Variants in CNTN5 observed in about 807,000 individuals in gnomAD.
The protein encoded by CNTN5 is contactin-5.
In CNTN5, 77 loss-of-function variants were observed where a neutral mutation model predicts 129.1. The ratio of observed to expected loss-of-function variants is 0.60; its 90% CI spans 0.50 to 0.72. The LOEUF (loss-of-function observed/expected upper bound fraction) is 0.72. Among genes scored for constraint, CNTN5 ranks in the 30% least tolerant of loss-of-function variants. The pLI is 0.00. For missense variants in CNTN5, 1,478 were observed against 1,328.8 expected, an observed-to-expected ratio of 1.11 and a Z score of -1.75; for synonymous variants, 509 against 465.6, an observed-to-expected ratio of 1.09 and a Z score of -1.20.
At chr11:100,351,167 T>C (rs1303599171) in intron 24 of CNTN5, among the ~76,000 whole-genome samples, 1 of 151,628 alleles carries the variant, frequency 6.6e-6, no homozygotes, top group Non-Finnish European at 1.5e-5. Context: ...TTTTGGAGTA[T>C]AGCTTTTAAA....
intron 2 of CNTN5, among the ~76,000 whole-genome samples, chr11:99,443,605 T>C (rs2656166): frequency 0.95 from 144,403 of 152,242 alleles, 68,966 homozygotes; most frequent in East Asian, 1. Flanking sequence ...ATGGCTCAAA[T>C]AGAAATTTGC....
In CNTN5 at chr11:100,334,001, C is replaced by T. The variant is rs148610845; in HGVS notation, c.2731-6462C>T. Among the ~76,000 whole-genome samples the T allele has an allele frequency of 9.0e-3, 1,365 of 152,252 alleles. 19 individuals carry two copies. Among genetic ancestry groups the T allele is most frequent in the African/African-American group, 0.031 (1,299 of 41,552 alleles). ...TAATCAGCAGAGTTAACAGACAACC[C>T]ACAGAGTGGGAGAGAATCTTCACAG... On this transcript the variant is annotated intron_variant, in intron 21 of 24. Transcript: ENST00000524871.
rs368856018 is a variant in CNTN5 at position 100,225,872 on chromosome 11, CAT to C, written c.2005+1062_2005+1063del. Among the ~76,000 whole-genome samples the C allele has an allele frequency of 3.2e-4, 48 of 152,188 alleles. 1 individual carries two copies. In the East Asian group the frequency reaches 8.9e-3, roughly 28 times the overall value. Reference sequence around the variant, plus strand: ...AATATTAAAAATCTTGAACAGTAAACATAAGGCATAGAGTGAGCCTCATCATC... The same window carrying C: ...AATATTAAAAATCTTGAACAGTAAACAAGGCATAGAGTGAGCCTCATCATC... On this transcript the variant is annotated intron_variant, in intron 16 of 24. Coordinates refer to ENST00000524871, the MANE Select transcript of CNTN5 (RefSeq NM_014361.4).
chr11:99,095,482 G>T (rs1363512291), intron 1 of CNTN5, among the ~76,000 whole-genome samples: 1 of 151,760 alleles, frequency 6.6e-6, no homozygotes, highest in Admixed American at 6.6e-5. Context: ...TTTACCTGGG[G>T]CATGTATGAA....
chr11:99,816,472 C>T (rs1468297194), intron 3 of CNTN5, among the ~76,000 whole-genome samples: 2 of 152,206 alleles, frequency 1.3e-5, no homozygotes, highest in Non-Finnish European at 2.9e-5. Context: ...GCCTTTACCT[C>T]AAGCTCTTGC....
In CNTN5 at chr11:99,035,947, C is replaced by G. The variant is rs1372766023; in HGVS notation, c.-210+14677C>G. Among the ~76,000 whole-genome samples, 4 of 152,014 alleles carry G rather than the reference C, an allele frequency of 2.6e-5. No individual in the cohort carries two copies. The South Asian group carries it at 6.3e-4, about 24-fold the overall frequency. On this transcript the variant is annotated intron_variant, in intron 1 of 24. Transcript: ENST00000524871. ...CCATGTTTAGCACTTCCTTCTGGAG[C>G]TCTTTTAGGGCAGGCCTGGTGGTGA...
chr11:100,306,011 G>T (rs962336715), intron 20 of CNTN5, among the ~76,000 whole-genome samples: 3 of 151,400 alleles, frequency 2.0e-5, no homozygotes, highest in African/African-American at 4.8e-5. Context: ...CAAATTTTGG[G>T]GGGGGCACAT....
At chr11:99,747,729 C>T (rs1474893073) in intron 3 of CNTN5, among the ~76,000 whole-genome samples, 1 of 152,266 alleles carries the variant, frequency 6.6e-6, no homozygotes, top group East Asian at 1.9e-4. Context: ...GCCTCGGCCT[C>T]CCAAAGTGCT....
chr11:99,750,080 A>G (rs1426383019), intron 3 of CNTN5, among the ~76,000 whole-genome samples: 1 of 152,200 alleles, frequency 6.6e-6, no homozygotes, highest in Non-Finnish European at 1.5e-5. Flanking sequence ...TTGATATATG[A>G]GAGAAAAATA....
chr11:99,905,059 T>C (rs1307902660), intron 6 of CNTN5, among the ~76,000 whole-genome samples: 1 of 152,216 alleles, frequency 6.6e-6, no homozygotes, highest in Non-Finnish European at 1.5e-5. Context: ...ATCAGACAGA[T>C]AGATTGCAAA....
intron 2 of CNTN5, among the ~76,000 whole-genome samples, chr11:99,326,055 C>G (rs187811705): frequency 3.5e-4 from 54 of 152,266 alleles, no homozygotes; most frequent in Non-Finnish European, 6.8e-4. Flanking sequence ...TTTACGTAAC[C>G]AACAGAAATT....
intron 3 of CNTN5, among the ~76,000 whole-genome samples, chr11:99,670,297 A>T (rs187662474): frequency 1.3e-5 from 2 of 152,274 alleles, no homozygotes; most frequent in East Asian, 3.9e-4. Flanking sequence ...TTTTTAATTT[A>T]TATTAGGCTA....
At chr11:100,343,859 G>A (rs930107377) in intron 23 of CNTN5, among the ~76,000 whole-genome samples, 3 of 151,858 alleles carry the variant, frequency 2.0e-5, no homozygotes, top group African/African-American at 4.8e-5. Flanking sequence ...CTATAATAGC[G>A]GGCCACCTCT....
At chr11:100,272,659 C>G (rs1950427903) in intron 18 of CNTN5, among the ~76,000 whole-genome samples, 2 of 152,116 alleles carry the variant, frequency 1.3e-5, no homozygotes. Flanking sequence ...TGAGAGTGGA[C>G]AGAGGGAAAA....
intron 2 of CNTN5, among the ~76,000 whole-genome samples, chr11:99,463,455 A>AAAC (rs1294831283): frequency 3.3e-5 from 5 of 150,980 alleles, no homozygotes; most frequent in Admixed American, 3.3e-4. Flanking sequence ...AAAAAAAAAA[A>AAAC]AAAACAATAG....
intron 3 of CNTN5, among the ~76,000 whole-genome samples, chr11:99,799,592 G>A (rs565523953): frequency 2.6e-5 from 4 of 151,946 alleles, no homozygotes; most frequent in South Asian, 4.2e-4. Flanking sequence ...TAGGAATGAA[G>A]TCTACTTGAT....
chr11:99,875,509 TA>T (rs778644868), intron 6 of CNTN5, among the ~76,000 whole-genome samples: 4 of 146,794 alleles, frequency 2.7e-5, no homozygotes, highest in Non-Finnish European at 6.1e-5. Context: ...CCCATAGCAC[TA>T]AGGTATTAAA....
At chr11:100,080,863 A>G (rs1944337750) in intron 13 of CNTN5, among the ~76,000 whole-genome samples, 1 of 152,202 alleles carries the variant, frequency 6.6e-6, no homozygotes, top group Non-Finnish European at 1.5e-5. Context: ...TATGTTTTCA[A>G]AAGAAATAAA....
At position 100,015,264 on chromosome 11, in the gene CNTN5, G is replaced by A. The variant is rs1226550376; in HGVS notation, c.980+13128G>A. On this transcript the variant is annotated intron_variant, in intron 9 of 24. Coordinates refer to ENST00000524871, the MANE Select transcript of CNTN5 (RefSeq NM_014361.4). ...GTCTTAGTCTCTATCTCAAATTATG[G>A]CATCATCCTAGTAGGGTGTTATGCA... 2.0e-5 allele frequency among the ~76,000 whole-genome samples: 3 copies of A among 152,102 alleles called. No individual in the cohort carries two copies. In the East Asian group the frequency reaches 5.8e-4, roughly 29 times the overall value.
Sources: allele counts gnomAD v4.1 joint callset (sites outside exome capture counted in the v4.1 genomes callset), GRCh38; gene constraint gnomAD v4.1.1; transcripts MANE v1.5; gene names NCBI Gene and HGNC (gene_info 2026-07-23, HGNC 2026-07-21).